Variants in TNFAIP8L1 observed in about 807,000 individuals in gnomAD.
TNFAIP8L1 encodes the protein TNF alpha induced protein 8 like 1.
For missense variants in TNFAIP8L1, 225 were observed against 266.1 expected (o/e 0.85, Z 1.08); for synonymous variants, 127 against 125.6 (o/e 1.01, Z -0.08).
At chr19:4,649,480 C>T (rs1355664050) in intron 1 of TNFAIP8L1, among the ~76,000 whole-genome samples, 1 of 152,152 alleles carries the variant, frequency 6.6e-6, no homozygotes, top group Non-Finnish European at 1.5e-5. Context: ...GCTGCAGAGG[C>T]CAGAGCTGGG....
At chr19:4,642,882 T>A (rs1421311377) in intron 1 of TNFAIP8L1, among the ~76,000 whole-genome samples, 1 of 151,884 alleles carries the variant, frequency 6.6e-6, no homozygotes, top group African/African-American at 2.4e-5. Flanking sequence ...ACTCAGGTAC[T>A]CACAGGCACC....
At chr19:4,642,921 G>C (rs1411214486) in intron 1 of TNFAIP8L1, among the ~76,000 whole-genome samples, 2 of 152,088 alleles carry the variant, frequency 1.3e-5, no homozygotes, top group East Asian at 3.9e-4. Context: ...GGACAGACGG[G>C]GGGCATGGGG....
rs181692443 is a variant in TNFAIP8L1 at position 4,649,665 on chromosome 19, A to C, written c.-3-2202A>C. On this transcript the variant is annotated intron_variant, in intron 1 of 1. Coordinates refer to ENST00000327473, the MANE Select transcript of TNFAIP8L1 (RefSeq NM_152362.3). The stretch of plus-strand genomic sequence containing the variant: ...TCTGAGCCTTTGTGGTCTCTTCTGC[A>C]AAACAGGCAACCTGCCTAGTACATG... 1.6e-4 allele frequency among the ~76,000 whole-genome samples: 25 copies of C among 152,344 alleles called. 1 individual carries two copies. The East Asian group carries it at 4.6e-3, about 28-fold the overall frequency.
rs546552149 is a variant in TNFAIP8L1 at position 4,643,227 on chromosome 19, C to G, written c.-4+3598C>G. Among the ~76,000 whole-genome samples the G allele has an allele frequency of 8.4e-4, 126 of 150,524 alleles. 1 individual carries two copies. The highest frequency in any genetic ancestry group is 2.9e-3 in the African/African-American group (117 of 40,912). On this transcript the variant is annotated intron_variant, in intron 1 of 1. Transcript: ENST00000327473. ...CCAGGAGGCGGAGGTTGCAGTGAGC[C>G]GAGATCACGCCGCTGCACTCCAGCC...
In TNFAIP8L1 at chr19:4,652,011, G is replaced by A. The variant is rs748657428; in HGVS notation, c.142G>A (p.Glu48Lys). 1.2e-5 allele frequency: 19 copies of A among 1,614,122 alleles called. No homozygotes were observed. The South Asian group carries it at 2.1e-4, about 18-fold the overall frequency. ...VLDELYRATREFTRSRKEAQK... is the reference protein window; with the variant it reads ...VLDELYRATRKFTRSRKEAQK... ...GGATGAGCTGTACCGCGCCACCAGGGAGTTCACGCGCAGCCGCAAGGAGGC... is the reference window on the plus strand; with the variant it reads ...GGATGAGCTGTACCGCGCCACCAGGAAGTTCACGCGCAGCCGCAAGGAGGC... Residue 48 changes from glutamate to lysine, a missense_variant, in exon 2 of 2, where the codon GAG becomes AAG. Glu to Lys is a moderately conservative substitution (Grantham distance 56). Transcript: ENST00000327473.
chr19:4,652,146 C>A lies in TNFAIP8L1; in HGVS notation c.277C>A (p.Arg93=). 1 of 1,564,600 alleles carries A rather than the reference C, an allele frequency of 6.4e-7. No homozygotes were observed. The highest frequency in any genetic ancestry group is 8.6e-7 in the Non-Finnish European group (1 of 1,156,412). Residue 93 remains arginine (R), a synonymous_variant, in exon 2 of 2, where the codon CGG becomes AGG. Coordinates refer to ENST00000327473, the MANE Select transcript of TNFAIP8L1 (RefSeq NM_152362.3). ...ELALLRRFRH[R]ARCLAMTAVS... is the part of the protein sequence containing the mutation. ...GGCGCTGCTGCGGCGCTTCCGCCAC[C>A]GGGCGCGCTGCCTGGCCATGACGGC...
chr19:4,647,709 C>A lies in TNFAIP8L1; in HGVS notation c.-3-4158C>A, dbSNP rs188101009. ...TGATCATAGCTCACTGCAGCCTTGA[C>A]CTCGTGGGCTCAAGCGATTCTCCCC... On this transcript the variant is annotated intron_variant, in intron 1 of 1. Coordinates refer to ENST00000327473, the MANE Select transcript of TNFAIP8L1 (RefSeq NM_152362.3). 2.7e-5 allele frequency among the ~76,000 whole-genome samples: 4 copies of A among 149,058 alleles called. No homozygotes were observed. The East Asian group carries it at 8.1e-4, about 30-fold the overall frequency.
At chr19:4,648,730 G>A (rs1262808227) in intron 1 of TNFAIP8L1, among the ~76,000 whole-genome samples, 1 of 152,152 alleles carries the variant, frequency 6.6e-6, no homozygotes, top group East Asian at 1.9e-4. Context: ...GAGGGGCACA[G>A]CCCTGCCTGG....
chr19:4,647,338 G>A (rs1167833716), intron 1 of TNFAIP8L1, among the ~76,000 whole-genome samples: 1 of 151,854 alleles, frequency 6.6e-6, no homozygotes, highest in African/African-American at 2.4e-5. Context: ...TTTTTGTGAC[G>A]GAGTCTCGCT....
At chr19:4,651,307 TTATAA>T (rs1421308687) in intron 1 of TNFAIP8L1, among the ~76,000 whole-genome samples, 1 of 152,056 alleles carries the variant, frequency 6.6e-6, no homozygotes, top group Non-Finnish European at 1.5e-5. Context: ...CTCTGTTTGT[TTATAA>T]TAATAATCAT....
rs2088302092 is a variant in TNFAIP8L1 at position 4,645,493 on chromosome 19, A to AAT, written c.-4+5865_-4+5866dup. Reference sequence around the variant, plus strand: ...TGGGAGGCTGAGGCTGAGGCAGGAGAATCGCTTGAATCCGGGAGGCAGAGG... The same window carrying AAT: ...TGGGAGGCTGAGGCTGAGGCAGGAGAATATCGCTTGAATCCGGGAGGCAGAGG... On this transcript the variant is annotated intron_variant, in intron 1 of 1. Transcript: ENST00000327473. This position sits in a 1 kb window ranked among gnomAD's most constrained non-coding sequence, Gnocchi z 4.1. Among the ~76,000 whole-genome samples the AAT allele has an allele frequency of 1.3e-5, 2 of 151,838 alleles. No individual in the cohort carries two copies. Among genetic ancestry groups the AAT allele is most frequent in the South Asian group, 4.2e-4 (2 of 4,808 alleles).
chr19:4,649,442 G>A (rs374558250), intron 1 of TNFAIP8L1, among the ~76,000 whole-genome samples: 1 of 152,178 alleles, frequency 6.6e-6, no homozygotes, highest in African/African-American at 2.4e-5. Flanking sequence ...TTCAGATGGG[G>A]AAACTGAGGC....
intron 1 of TNFAIP8L1, chr19:4,642,339 G>A (rs1280025206): frequency 1.3e-5 from 2 of 152,058 alleles, no homozygotes; most frequent in Non-Finnish European, 2.9e-5. Context: ...AAATGAGGCG[G>A]GCGTGGTGGT....
At chr19:4,642,404 C>G (rs1170543401) in intron 1 of TNFAIP8L1, 2 of 149,258 alleles carry the variant, frequency 1.3e-5, no homozygotes, top group East Asian at 4.0e-4. Context: ...CACTTAAACC[C>G]AAGAGGCAGA....
Position 4,645,127 on chromosome 19 carries a change from CA to C in TNFAIP8L1, c.-4+5499del, listed in dbSNP as rs1444074639. ...TGAGGTGCATGAAGAATTCATGGGA[CA>C]GGGGTGGGGACGGCAGGGACTTGTG... On this transcript the variant is annotated intron_variant, in intron 1 of 1. Transcript: ENST00000327473. This position sits in a 1 kb window ranked among gnomAD's most constrained non-coding sequence, Gnocchi z 4.1. Among the ~76,000 whole-genome samples, 1 of 152,198 alleles carries C rather than the reference CA, an allele frequency of 6.6e-6. No individual in the cohort carries two copies. Among genetic ancestry groups the C allele is most frequent in the African/African-American group, 2.4e-5 (1 of 41,452 alleles).
rs571771377 is a variant in TNFAIP8L1, at chr19:4,643,051, A to G, written c.-4+3422A>G. On this transcript the variant is annotated intron_variant, in intron 1 of 1. Transcript: ENST00000327473. ...CCCAGCACTTTGGGAGGCTGAGGCA[A>G]GTGGATCACCTGAGGTCAGGAGTTG... 2.3e-4 allele frequency among the ~76,000 whole-genome samples: 35 copies of G among 151,948 alleles called. No homozygotes were observed. The East Asian group carries it at 5.8e-3, about 25-fold the overall frequency.
rs142856531 is a variant in TNFAIP8L1 at position 4,644,761 on chromosome 19, C to T, written c.-4+5132C>T. ...TGGGATTACAGGCGTGTGCCACACA[C>T]GGCTAATTTTTGTATTTTTAGTAGA... On this transcript the variant is annotated intron_variant, in intron 1 of 1. Transcript: ENST00000327473. Among the ~76,000 whole-genome samples the T allele has an allele frequency of 4.8e-3, 732 of 151,868 alleles. 3 individuals carry two copies. Among genetic ancestry groups the T allele is most frequent in the African/African-American group, 0.015 (618 of 41,408 alleles).
chr19:4,652,747 A>G lies in TNFAIP8L1; in HGVS notation c.*317A>G. On this transcript the variant is annotated 3_prime_UTR_variant, in exon 2 of 2. Coordinates refer to ENST00000327473, the MANE Select transcript of TNFAIP8L1 (RefSeq NM_152362.3). ...CCCTGGGTCGCTTGATGTAAAAGCC[A>G]AAAGCTGCTGCCTCCCACTTGGATC... is the stretch of plus-strand genomic sequence containing the variant. 1 of 333,886 alleles carries G rather than the reference A, an allele frequency of 3.0e-6. No individual in the cohort carries two copies. Among genetic ancestry groups the G allele is most frequent in the Non-Finnish European group, 5.7e-6 (1 of 175,558 alleles). The allele number at this position is 333,886 out of a possible 1,614,324, so 20.7% of individuals were successfully genotyped here.
intron 1 of TNFAIP8L1, among the ~76,000 whole-genome samples, chr19:4,647,579 G>A (rs1568281244): frequency 6.7e-6 from 1 of 149,328 alleles, no homozygotes; most frequent in Non-Finnish European, 1.5e-5. Flanking sequence ...CCAAAGTGCT[G>A]GGATTACAGG....
Sources: allele counts gnomAD v4.1 joint callset (sites outside exome capture counted in the v4.1 genomes callset), GRCh38; gene constraint gnomAD v4.1.1; non-coding constraint Gnocchi (gnomAD v3.1); transcripts MANE v1.5; gene names NCBI Gene and HGNC (gene_info 2026-07-23, HGNC 2026-07-21).